The following RBL2 variants were observed in gnomAD, a reference collection of about 807,000 sequenced individuals.
RBL2 encodes the protein retinoblastoma-like protein 2.
Under a neutral mutation model 126.0 loss-of-function variants are expected in RBL2, and 56 were observed. That is an observed-to-expected ratio of 0.44 (90% CI 0.36 to 0.56). RBL2 has a LOEUF of 0.56. Ranked by LOEUF, RBL2 falls within the 20% of genes least tolerant of loss-of-function variation. RBL2 has a pLI of 0.00. For missense variants in RBL2, 1,229 were observed against 1,398.2 expected, an observed-to-expected ratio of 0.88 and a Z score of 1.93; for synonymous variants, 454 against 478.5, an observed-to-expected ratio of 0.95 and a Z score of 0.67.
chr16:53,458,605 A>G (rs1242487390), intron 8 of RBL2, among the ~76,000 whole-genome samples: 1 of 152,228 alleles, frequency 6.6e-6, no homozygotes, highest in Non-Finnish European at 1.5e-5. Context: ...TGGTGGGTGT[A>G]TTAATTCATT....
rs765696830 is a variant in RBL2, at chr16:53,439,023, A to G, written c.248A>G (p.Asp83Gly). Reference sequence around the variant, plus strand: ...TTTTCTTTTCTTTTACAGGGAAATGATCTTCATTGGTTAGCATGTGCCTTA... The same window carrying G: ...TTTTCTTTTCTTTTACAGGGAAATGGTCTTCATTGGTTAGCATGTGCCTTA... ...MSESYTLEGN[D>G]LHWLACALYV... The change falls in exon 2 of 22, where the codon GAT becomes GGT. Residue 83 changes from aspartate to glycine, a missense_variant. Physicochemically the swap from Asp to Gly is moderately conservative, Grantham distance 94. This residue lies in a region of RBL2 where 159 missense variants were observed against 123.9 expected (regional missense o/e 1.28). Transcript: ENST00000262133. 3.8e-6 allele frequency: 6 copies of G among 1,573,392 alleles called. No homozygotes were observed. Among genetic ancestry groups the G allele is most frequent in the South Asian group, 3.6e-5 (3 of 82,860 alleles).
At chr16:53,463,505 G>T (rs11864278) in intron 11 of RBL2, among the ~76,000 whole-genome samples, 70,188 of 148,918 alleles carry the variant, frequency 0.47, 17,080 homozygotes, top group Middle Eastern at 0.62. Flanking sequence ...GCCTTCCAAA[G>T]TGCTGGAATT....
chr16:53,445,478 A>G (rs1038262162), intron 3 of RBL2, among the ~76,000 whole-genome samples: 2 of 152,128 alleles, frequency 1.3e-5, no homozygotes, highest in Non-Finnish European at 2.9e-5. Context: ...TAAGACTTCA[A>G]TATGTATTAC....
Position 53,434,546 on chromosome 16 carries a change from A to G in RBL2, c.-11A>G, listed in dbSNP as rs543100464. ...CACCTCACCTGAGGTCCGGCCGCCC[A>G]GGGGTGCGCTATGCCGTCGGGAGGT... On this transcript the variant is annotated 5_prime_UTR_variant, in exon 1 of 22. Coordinates refer to ENST00000262133, the MANE Select transcript of RBL2 (RefSeq NM_005611.4). The G allele has an allele frequency of 6.8e-6, 10 of 1,460,414 alleles. No individual in the cohort carries two copies. In the South Asian group the frequency reaches 1.4e-4, roughly 20 times the overall value. 90.5% of individuals were successfully genotyped at this position (1,460,414 alleles called of 1,614,324 possible). A position where few individuals can be genotyped will look rare whatever the true frequency, so the allele number is the denominator to read the frequency against.
At chr16:53,454,866 G>T (rs758145417) in intron 8 of RBL2, 24 bp downstream of exon 8, 4 of 1,556,242 alleles carry the variant, frequency 2.6e-6, no homozygotes, top group Non-Finnish European at 3.5e-6. Context: ...TGCCAGAAGA[G>T]TAGAAATACA....
chr16:53,448,488 T>C (rs2058085065), intron 4 of RBL2, among the ~76,000 whole-genome samples: 1 of 150,982 alleles, frequency 6.6e-6, no homozygotes, highest in Non-Finnish European at 1.5e-5. Context: ...TTTTTTATTT[T>C]TATTTTTATT....
chr16:53,480,500 T>A (rs1277529996), intron 19 of RBL2, 67 bp from the exon 20 acceptor site: 1 of 1,398,668 alleles, frequency 7.1e-7, no homozygotes, highest in African/African-American at 1.4e-5. Flanking sequence ...TTCTCCTACT[T>A]TTAAAAAATT....
chr16:53,460,831 AATT>A (rs1483821667), intron 9 of RBL2, among the ~76,000 whole-genome samples: 2 of 152,128 alleles, frequency 1.3e-5, no homozygotes, highest in Non-Finnish European at 2.9e-5. Context: ...ATATGTATAT[AATT>A]ATATATATAT....
At position 53,491,045 on chromosome 16, in the gene RBL2, A is replaced by G. The variant is rs986101086; in HGVS notation, c.*745A>G. ...TAAATACAAAACTTCCAGGCTAAAC[A>G]TCCAATATTTTCTTTAATGCTTTTA... On this transcript the variant is annotated 3_prime_UTR_variant, in exon 22 of 22. Transcript: ENST00000262133. 1 of 152,652 alleles carries G rather than the reference A, an allele frequency of 6.6e-6. No homozygotes were observed. Among genetic ancestry groups the G allele is most frequent in the Non-Finnish European group, 1.5e-5 (1 of 68,046 alleles). The allele number at this position is 152,652 out of a possible 1,614,324, so 9.5% of individuals were successfully genotyped here.
intron 19 of RBL2, chr16:53,480,277 T>C (rs1470757882): frequency 1.7e-5 from 9 of 519,744 alleles, no homozygotes; most frequent in Non-Finnish European, 3.1e-5. Context: ...GCTATGGAAA[T>C]ACCATCCCCT....
rs1392685802 is a variant in RBL2 at position 53,454,783 on chromosome 16, G to T, written c.1120G>T (p.Gly374Ter). ...TLSRCLNAGS[G>*]TETAERVQMK... ...CTCAAGGTGTCTGAACGCTGGTTCA[G>T]GAACAGAGACTGCTGAAAGGGTGCA... is the stretch of plus-strand genomic sequence containing the variant. Residue 374 changes from glycine to a stop codon, truncating the protein, a stop_gained, in exon 8 of 22, where the codon GGA becomes TGA. Coordinates refer to ENST00000262133, the MANE Select transcript of RBL2 (RefSeq NM_005611.4). LOFTEE classifies it high-confidence loss of function. The T allele has an allele frequency of 6.2e-7, 1 of 1,614,034 alleles. No individual in the cohort carries two copies. The highest frequency in any genetic ancestry group is 1.7e-5 in the Admixed American group (1 of 60,014).
At chr16:53,487,004 T>C (rs887261371) in intron 21 of RBL2, among the ~76,000 whole-genome samples, 1 of 152,214 alleles carries the variant, frequency 6.6e-6, no homozygotes, top group Admixed American at 6.5e-5. Context: ...GCAACACATA[T>C]ATCCTGAAAA....
chr16:53,470,261 G>A, intron 15 of RBL2, 76 bp downstream of exon 15: 1 of 1,560,620 alleles, frequency 6.4e-7, no homozygotes, highest in Non-Finnish European at 8.7e-7. Flanking sequence ...TTTGGCTAGA[G>A]TGACATAGGG....
intron 4 of RBL2, among the ~76,000 whole-genome samples, chr16:53,450,261 A>G (rs893280695): frequency 6.6e-6 from 1 of 152,174 alleles, no homozygotes; most frequent in Non-Finnish European, 1.5e-5. Flanking sequence ...CTATACAAAA[A>G]AAGAATTGCT....
chr16:53,469,463 A>G (rs1206374913), intron 14 of RBL2, among the ~76,000 whole-genome samples: 1 of 152,216 alleles, frequency 6.6e-6, no homozygotes, highest in Non-Finnish European at 1.5e-5. Flanking sequence ...CCTAGATGAC[A>G]TACTACCAAT....
intron 14 of RBL2, 65 bp downstream of exon 14, chr16:53,467,234 C>A (rs2058280985): frequency 1.5e-6 from 2 of 1,326,182 alleles, no homozygotes; most frequent in Admixed American, 1.8e-5. Flanking sequence ...TTTCATCTAA[C>A]CCTACAAGTG....
chr16:53,484,903 A>AG (rs2150830053), intron 21 of RBL2, among the ~76,000 whole-genome samples: 1 of 152,232 alleles, frequency 6.6e-6, no homozygotes, highest in East Asian at 1.9e-4. Context: ...AGAAAGTTGG[A>AG]GTGGCTGTAT....
At chr16:53,450,571 A>G (rs2058105981) in intron 4 of RBL2, among the ~76,000 whole-genome samples, 1 of 152,240 alleles carries the variant, frequency 6.6e-6, no homozygotes, top group Non-Finnish European at 1.5e-5. Context: ...GAAAATTAAG[A>G]TAATAATAAA....
chr16:53,454,069 A>G (rs1013901345), intron 7 of RBL2, among the ~76,000 whole-genome samples: 1 of 152,258 alleles, frequency 6.6e-6, no homozygotes, highest in Non-Finnish European at 1.5e-5. Flanking sequence ...GGGTGCCTAG[A>G]GCAGCTAGAC....
Sources: gnomAD v4.1 joint callset for allele counts (sites outside exome capture counted in the v4.1 genomes callset) on GRCh38, gnomAD v4.1.1 for gene constraint, gnomAD v4.1.1 regional missense constraint, MANE v1.5 for transcripts, NCBI Gene and HGNC (gene_info 2026-07-23, HGNC 2026-07-21) for gene names.